The following PPP1R1C variants were observed in gnomAD, a reference collection of about 807,000 sequenced individuals.
The protein encoded by PPP1R1C is protein phosphatase 1 regulatory subunit 1C.
A neutral mutation model predicts 17.4 loss-of-function variants in PPP1R1C; 15 were observed. The observed-to-expected ratio is 0.86, with a 90% CI of 0.58 to 1.33. The LOEUF is 1.33. PPP1R1C is among the 40% of genes most tolerant of loss of function. The pLI is 0.00. For synonymous variants in PPP1R1C, 35 were observed against 43.1 expected (o/e 0.81, Z 0.73); for missense variants, 143 against 130.0 (o/e 1.10, Z -0.48).
chr2:182,036,054 A>G (rs1686995623), intron 2 of PPP1R1C, among the ~76,000 whole-genome samples: 1 of 152,224 alleles, frequency 6.6e-6, no homozygotes, highest in Non-Finnish European at 1.5e-5. Context: ...GCAGCAGAAG[A>G]GAAAACGGGC....
At chr2:182,106,652 T>A (rs1689262531) in intron 4 of PPP1R1C, among the ~76,000 whole-genome samples, 1 of 152,130 alleles carries the variant, frequency 6.6e-6, no homozygotes, top group African/African-American at 2.4e-5. Flanking sequence ...TGGGCAAGAA[T>A]CCCCGGATAC....
intron 4 of PPP1R1C, among the ~76,000 whole-genome samples, chr2:182,084,004 C>T (rs1688555264): frequency 6.6e-6 from 1 of 151,962 alleles, no homozygotes; most frequent in South Asian, 2.1e-4. Flanking sequence ...TCTGCATTTC[C>T]CTGATTATTA....
rs1286299658 is a variant in PPP1R1C at position 181,961,895 on chromosome 2, A to C, written n.111+7261A>C. 10 of 768,124 alleles carry C rather than the reference A, an allele frequency of 1.3e-5. No individual in the cohort carries two copies. The highest frequency in any genetic ancestry group is 2.3e-5 in the Non-Finnish European group (10 of 426,518). The allele number at this position is 768,124 out of a possible 1,614,324, so 47.6% of individuals were successfully genotyped here. On this transcript the variant is annotated intron_variant and non_coding_transcript_variant, in intron 1 of 5. Coordinates refer to the PPP1R1C transcript ENST00000464264. This position sits in a 1 kb window ranked among gnomAD's most constrained non-coding sequence, Gnocchi z 5.8. ...TCCATCTCTGTCTCCAGTGGCAGCC[A>C]AGTGACATTGGTCATCAGTGACCTT...
At chr2:182,000,022 GTTC>G (rs1387717369) in intron 2 of PPP1R1C, among the ~76,000 whole-genome samples, 2 of 152,038 alleles carry the variant, frequency 1.3e-5, no homozygotes, top group Non-Finnish European at 2.9e-5. Flanking sequence ...TTCCATTTTA[GTTC>G]TTCTTGTCCT....
At chr2:182,111,824 C>T (rs1689446603) in intron 4 of PPP1R1C, among the ~76,000 whole-genome samples, 1 of 151,894 alleles carries the variant, frequency 6.6e-6, no homozygotes, top group African/African-American at 2.4e-5. Context: ...ACTCAAGGAA[C>T]CCTTAGAAAG....
intron 4 of PPP1R1C, among the ~76,000 whole-genome samples, chr2:182,111,039 G>C (rs1159711938): frequency 6.6e-6 from 1 of 152,064 alleles, no homozygotes; most frequent in Non-Finnish European, 1.5e-5. Flanking sequence ...AAGAGAGAGA[G>C]AGATGATAAA....
chr2:181,988,668 T>A (rs967073225), intron 2 of PPP1R1C, among the ~76,000 whole-genome samples: 6 of 152,142 alleles, frequency 3.9e-5, no homozygotes, highest in Non-Finnish European at 7.4e-5. Flanking sequence ...GTATAAACAA[T>A]AATGGGTGGA....
intron 4 of PPP1R1C, among the ~76,000 whole-genome samples, chr2:182,065,568 C>T (rs1687962514): frequency 6.6e-6 from 1 of 151,978 alleles, no homozygotes; most frequent in Admixed American, 6.6e-5. Flanking sequence ...AGTGTAAAAA[C>T]ATTTGCTGAG....
intron 2 of PPP1R1C, among the ~76,000 whole-genome samples, chr2:182,031,223 A>G (rs1686824826): frequency 6.6e-6 from 1 of 152,332 alleles, no homozygotes. Flanking sequence ...CTATTCGGCC[A>G]TCTTGGCTCC....
chr2:182,058,285 A>G (rs1261250884), intron 2 of PPP1R1C, among the ~76,000 whole-genome samples: 1 of 152,104 alleles, frequency 6.6e-6, no homozygotes, highest in Admixed American at 6.6e-5. Context: ...ATCTTGTACA[A>G]TGCCCTTGTA....
intron 2 of PPP1R1C, among the ~76,000 whole-genome samples, chr2:182,015,478 T>C (rs936840505): frequency 2.0e-5 from 3 of 152,116 alleles, no homozygotes; most frequent in African/African-American, 7.2e-5. Context: ...ACAGAGTCTC[T>C]CCCTCTGTAT....
At chr2:182,026,288 C>T (rs1686608211) in intron 2 of PPP1R1C, among the ~76,000 whole-genome samples, 1 of 131,416 alleles carries the variant, frequency 7.6e-6, no homozygotes, top group Admixed American at 8.0e-5. Flanking sequence ...CTTGCCCATG[C>T]CTATGTCCTG....
intron 1 of PPP1R1C, among the ~76,000 whole-genome samples, chr2:181,965,165 A>C (rs916357091): frequency 6.6e-6 from 1 of 151,970 alleles, no homozygotes; most frequent in African/African-American, 2.4e-5. Flanking sequence ...TTTCCTATAG[A>C]GTTGTTTGAG....
chr2:182,089,061 C>T (rs1419755832), intron 4 of PPP1R1C, among the ~76,000 whole-genome samples: 2 of 152,130 alleles, frequency 1.3e-5, no homozygotes, highest in East Asian at 3.8e-4. Flanking sequence ...CAAACTGGCC[C>T]TGTGCAGGAC....
chr2:182,097,125 A>G (rs1688963897), intron 4 of PPP1R1C, among the ~76,000 whole-genome samples: 1 of 152,192 alleles, frequency 6.6e-6, no homozygotes, highest in Non-Finnish European at 1.5e-5. Context: ...CATTTCTCCA[A>G]AGAAAAATTA....
chr2:182,015,739 G>T (rs1362068271), intron 2 of PPP1R1C, among the ~76,000 whole-genome samples: 2 of 152,088 alleles, frequency 1.3e-5, no homozygotes, highest in African/African-American at 4.8e-5. Flanking sequence ...GGGTCTTAGG[G>T]CTCTGCTTGG....
chr2:182,099,356 A>G (rs536643445), intron 4 of PPP1R1C, among the ~76,000 whole-genome samples: 1 of 152,310 alleles, frequency 6.6e-6, no homozygotes, highest in Admixed American at 6.5e-5. Flanking sequence ...ATAAATATTG[A>G]TAATATAGAA....
intron 2 of PPP1R1C, among the ~76,000 whole-genome samples, chr2:182,005,077 A>T (rs1238838110): frequency 6.6e-6 from 1 of 152,208 alleles, no homozygotes; most frequent in South Asian, 2.1e-4. Flanking sequence ...ATTATAAACT[A>T]ATTTATTAGA....
chr2:182,081,185 T>C lies in PPP1R1C; in HGVS notation c.241+17394T>C, dbSNP rs1323967310. 8.5e-5 allele frequency among the ~76,000 whole-genome samples: 13 copies of C among 152,334 alleles called. No individual in the cohort carries two copies. The East Asian group carries it at 2.5e-3, about 29-fold the overall frequency. The stretch of plus-strand genomic sequence containing the variant: ...TTGGTTTCTACATCTTTAGCTGCTA[T>C]TGGGCAAATGGAGAGGTAAGTAGTA... On this transcript the variant is annotated intron_variant, in intron 4 of 4. Transcript: ENST00000682840.
Sources: allele counts gnomAD v4.1 joint callset (sites outside exome capture counted in the v4.1 genomes callset), GRCh38; gene constraint gnomAD v4.1.1; non-coding constraint Gnocchi (gnomAD v3.1); transcripts MANE v1.5; gene names NCBI Gene and HGNC (gene_info 2026-07-23, HGNC 2026-07-21).